GNAS: variants seen among roughly 807,000 people sequenced by gnomAD.
The protein encoded by GNAS is GNAS complex locus, also known as protein ALEX.
A neutral mutation model predicts 54.5 loss-of-function variants in GNAS; 8 were observed. That is an observed-to-expected ratio of 0.15 (90% confidence interval 0.09 to 0.26). The LOEUF (loss-of-function observed/expected upper bound fraction) is 0.26. Among genes scored for constraint, GNAS ranks in the 10% least tolerant of loss-of-function variants. The pLI is 1.00. For synonymous variants in GNAS, 204 were observed against 191.4 expected (o/e 1.07, Z -0.54); for missense variants, 170 against 529.8 (o/e 0.32, Z 6.67).
intron 6 of GNAS, among the ~76,000 whole-genome samples, chr20:58,905,968 G>A (rs921297516): frequency 4.6e-5 from 7 of 152,160 alleles, no homozygotes; most frequent in Non-Finnish European, 8.8e-5. Context: ...TAGCTGCCTA[G>A]TGTTACTAGA....
intron 1 of GNAS, 96 bp downstream of exon 1, chr20:58,891,961 G>A: frequency 1.3e-6 from 1 of 792,002 alleles, no homozygotes; most frequent in Non-Finnish European, 1.5e-6. Context: ...CCCCGGGCGC[G>A]CGCTCCCGAG....
intron 1 of GNAS, 71 bp downstream of exon 1, chr20:58,891,936 C>T (rs2089414917): frequency 2.2e-6 from 2 of 902,208 alleles, no homozygotes; most frequent in East Asian, 1.2e-4. Context: ...CCGCGCGCGC[C>T]GAGCCCGCCC....
At position 58,909,664 on chromosome 20, in the gene GNAS, C is replaced by CTT. The variant is rs754472303; in HGVS notation, c.719-18_719-17dup. 1.2e-6 allele frequency: 2 copies of CTT among 1,614,178 alleles called. No individual in the cohort carries two copies. The highest frequency in any genetic ancestry group is 2.2e-5 in the East Asian group (1 of 44,886). On this transcript the variant is annotated intron_variant, in intron 9 of 12. Transcript: ENST00000371085. This position sits in a 1 kb window ranked among gnomAD's most constrained non-coding sequence, Gnocchi z 7.3. ...TCAGGGTCGCTGCTCACGCTCTTGGCTTTGCTCTCTTTGGTTAAGATGTGA... is the reference window on the plus strand; with the variant it reads ...TCAGGGTCGCTGCTCACGCTCTTGGCTTTTTGCTCTCTTTGGTTAAGATGTGA...
Position 58,903,549 on chromosome 20 carries a change from G to A in GNAS, c.276G>A (p.Val92=). 2 of 1,614,076 alleles carry A rather than the reference G, an allele frequency of 1.2e-6. No homozygotes were observed. ...ACTGCAGTGAGAAGGCAACCAAAGT[G>A]CAGGACATCAAAAACAACCTGAAAG... ...SNSDGEKATK[V]QDIKNNLKEA... is the part of the protein sequence containing the mutation. Residue 92 remains valine (V), a synonymous_variant, in exon 4 of 13, where the codon GTG becomes GTA. Transcript: ENST00000371085.
Position 58,857,917 on chromosome 20 carries a change from G to A in GNAS, c.43+17031G>A, listed in dbSNP as rs1286292503. Among the ~76,000 whole-genome samples, 1 of 152,202 alleles carries A rather than the reference G, an allele frequency of 6.6e-6. No individual in the cohort carries two copies. The highest frequency in any genetic ancestry group is 6.5e-5 in the Admixed American group (1 of 15,292). ...TGCTGGTAGCCAAACACCTTTGGATGCAGCATAGTCCAGAAGGTGGGCTGG... is the reference window on the plus strand; with the variant it reads ...TGCTGGTAGCCAAACACCTTTGGATACAGCATAGTCCAGAAGGTGGGCTGG... On this transcript the variant is annotated intron_variant, in intron 1 of 12. Coordinates refer to the GNAS transcript ENST00000306090. This position sits in a 1 kb window ranked among gnomAD's most constrained non-coding sequence, Gnocchi z 4.1.
In GNAS at chr20:58,891,689, C is replaced by T; in HGVS notation, c.-38C>T. On this transcript the variant is annotated 5_prime_UTR_variant, in exon 1 of 13. Coordinates refer to ENST00000371085, the MANE Select transcript of GNAS (RefSeq NM_000516.7). ...GTGAGGCCGCCCGCGCCCGCCGCCG[C>T]CGCAGCCCGGCCGCGCCCCGCCGCC... The T allele has an allele frequency of 3.0e-6, 3 of 988,086 alleles. No homozygotes were observed. The highest frequency in any genetic ancestry group is 3.6e-6 in the Non-Finnish European group (3 of 829,448). The allele number at this position is 988,086 out of a possible 1,614,324, so 61.2% of individuals were successfully genotyped here.
chr20:58,844,250 A>C (rs2085856114), intron 1 of GNAS, among the ~76,000 whole-genome samples: 1 of 152,228 alleles, frequency 6.6e-6, no homozygotes, highest in African/African-American at 2.4e-5. Context: ...CTATCACAAA[A>C]ACCAAATCAC....
intron 1 of GNAS, among the ~76,000 whole-genome samples, chr20:58,866,220 C>T (rs2087056270): frequency 6.6e-6 from 1 of 152,152 alleles, no homozygotes; most frequent in African/African-American, 2.4e-5. Flanking sequence ...AACCAGCCTA[C>T]TGCATGGAGG....
intron 1 of GNAS, among the ~76,000 whole-genome samples, chr20:58,893,291 G>T (rs192753131): frequency 6.6e-6 from 1 of 151,664 alleles, no homozygotes; most frequent in South Asian, 2.1e-4. Flanking sequence ...ATAAGGAGAT[G>T]GCCTTTCCTC....
upstream of GNAS, chr20:58,889,140 C>A: frequency 1.7e-6 from 2 of 1,201,508 alleles, no homozygotes; most frequent in Non-Finnish European, 1.1e-6. Context: ...GGGGCGTCAT[C>A]GGGGCCGGTT....
intron 3 of GNAS, chr20:58,899,607 T>C: frequency 1.7e-6 from 1 of 585,784 alleles, no homozygotes; most frequent in South Asian, 1.6e-5. Flanking sequence ...TTCCATTCAT[T>C]ATCAAATTAT....
Position 58,895,640 on chromosome 20 carries a change from T to C in GNAS, c.168T>C (p.Ile56=), listed in dbSNP as rs2089973868. ...LGAGESGKST[I]VKQMRILHVN... ...CTGGAGAATCTGGTAAAAGCACCAT[T>C]GTGAAGCAGATGAGGATCCTGCATG... The change falls in exon 2 of 13, where the codon ATT becomes ATC. Residue 56 remains isoleucine, a synonymous_variant. Transcript: ENST00000371085. 1 of 1,606,894 alleles carries C rather than the reference T, an allele frequency of 6.2e-7. No individual in the cohort carries two copies.
At chr20:58,887,781 G>A (rs1480692731), upstream of GNAS, among the ~76,000 whole-genome samples, 1 of 152,136 alleles carries the variant, frequency 6.6e-6, no homozygotes, top group Non-Finnish European at 1.5e-5. Flanking sequence ...AATTCCAAGT[G>A]TTGTTTGGTG....
At chr20:58,852,263 TGGGGG>T in intron 1 of GNAS, among the ~76,000 whole-genome samples, 1 of 151,842 alleles carries the variant, frequency 6.6e-6, no homozygotes, top group Non-Finnish European at 1.5e-5. Flanking sequence ...GTGATGGGGG[TGGGGG>T]CTGTTAAAGT....
intron 1 of GNAS, among the ~76,000 whole-genome samples, chr20:58,877,758 C>T (rs1309943963): frequency 6.6e-6 from 1 of 152,252 alleles, no homozygotes; most frequent in Non-Finnish European, 1.5e-5. Context: ...TTCCCACCTC[C>T]CGGCCTTGCC....
chr20:58,851,933 G>A (rs142475074), intron 1 of GNAS, among the ~76,000 whole-genome samples: 1 of 152,312 alleles, frequency 6.6e-6, no homozygotes, highest in East Asian at 1.9e-4. Flanking sequence ...GCGCGGCATG[G>A]TATTTATCTG....
chr20:58,905,266 C>CA (rs2090960896), intron 5 of GNAS, 117 bp from the exon 6 acceptor site: 4 of 721,016 alleles, frequency 5.5e-6, no homozygotes, highest in Non-Finnish European at 1.0e-5. Context: ...GCTCAAAATT[C>CA]AAAATCACAC....
At chr20:58,850,899 C>T in intron 1 of GNAS, 1 of 398,748 alleles carries the variant, frequency 2.5e-6, no homozygotes, top group South Asian at 1.3e-4. Flanking sequence ...ACGCGGCGCC[C>T]CCTATTGGAC....
intron 3 of GNAS, among the ~76,000 whole-genome samples, chr20:58,899,730 C>T (rs570512008): frequency 7.4e-4 from 113 of 151,872 alleles, no homozygotes; most frequent in African/African-American, 2.5e-3. Context: ...CCACACGCGC[C>T]GCGCACACAC....
Sources: gnomAD v4.1 joint callset for allele counts (sites outside exome capture counted in the v4.1 genomes callset) on GRCh38, gnomAD v4.1.1 for gene constraint, Gnocchi (gnomAD v3.1) non-coding constraint, MANE v1.5 for transcripts, NCBI Gene and HGNC (gene_info 2026-07-23, HGNC 2026-07-21) for gene names.